FOXP2: variants seen among roughly 807,000 people sequenced by gnomAD.
The protein encoded by FOXP2 is forkhead box protein P2.
Under a neutral mutation model 115.8 loss-of-function variants are expected in FOXP2, and 12 were observed. The ratio of observed to expected loss-of-function variants is 0.10; its 90% CI spans 0.07 to 0.17. FOXP2 has a LOEUF of 0.17. Among genes scored for constraint, FOXP2 ranks in the 10% least tolerant of loss-of-function variants. The pLI, the probability that FOXP2 is intolerant of heterozygous loss-of-function variation, is 1.00. For missense variants in FOXP2, 629 were observed against 843.5 expected, an observed-to-expected ratio of 0.75 and a Z score of 3.15; for synonymous variants, 328 against 297.7, an observed-to-expected ratio of 1.10 and a Z score of -1.05.
chr7:114,431,169 G>T (rs1163883852), intron 2 of FOXP2, among the ~76,000 whole-genome samples: 2 of 151,884 alleles, frequency 1.3e-5, no homozygotes, highest in African/African-American at 4.8e-5. Context: ...TTCAGCTAAT[G>T]AGGTCGAATG....
chr7:114,204,983 G>A (rs1003755939), intron 1 of FOXP2, among the ~76,000 whole-genome samples: 1 of 151,300 alleles, frequency 6.6e-6, no homozygotes, highest in Non-Finnish European at 1.5e-5. Context: ...GAATTTTATT[G>A]CCTTTTGCCG....
At chr7:114,339,669 A>G (rs1791152331) in intron 2 of FOXP2, among the ~76,000 whole-genome samples, 1 of 151,032 alleles carries the variant, frequency 6.6e-6, no homozygotes, top group Admixed American at 6.6e-5. Flanking sequence ...TTGCGTTGGT[A>G]TAGGACATGT....
At chr7:114,253,615 C>T (rs1795515211) in intron 1 of FOXP2, among the ~76,000 whole-genome samples, 1 of 151,484 alleles carries the variant, frequency 6.6e-6, no homozygotes, top group South Asian at 2.1e-4. Flanking sequence ...GGATTGCAAC[C>T]CCTGCCTTTT....
chr7:114,107,719 T>C (rs1400646488), intron 1 of FOXP2, among the ~76,000 whole-genome samples: 1 of 151,982 alleles, frequency 6.6e-6, no homozygotes, highest in Non-Finnish European at 1.5e-5. Flanking sequence ...AAGTGGTTAC[T>C]GTGTGTGGGT....
intron 2 of FOXP2, among the ~76,000 whole-genome samples, chr7:114,523,867 AG>A (rs1322114199): frequency 6.6e-6 from 1 of 152,186 alleles, no homozygotes; most frequent in Non-Finnish European, 1.5e-5. Flanking sequence ...TACTCTTATG[AG>A]GACTAAAAAA....
chr7:114,201,161 A>G (rs759600803), intron 1 of FOXP2, among the ~76,000 whole-genome samples: 7 of 151,992 alleles, frequency 4.6e-5, no homozygotes, highest in Non-Finnish European at 7.4e-5. Flanking sequence ...CATCTCAAAA[A>G]TAAATAAATA....
At chr7:114,212,118 AT>A (rs1168782854) in intron 1 of FOXP2, among the ~76,000 whole-genome samples, 3 of 91,502 alleles carry the variant, frequency 3.3e-5, no homozygotes, top group African/African-American at 8.4e-5. Context: ...ATAAAATAAA[AT>A]AAAATATATA....
chr7:114,216,927 A>G (rs1421283645), intron 1 of FOXP2, among the ~76,000 whole-genome samples: 1 of 152,192 alleles, frequency 6.6e-6, no homozygotes, highest in African/African-American at 2.4e-5. Flanking sequence ...TTAAAATATA[A>G]TAACAATATT....
intron 1 of FOXP2, among the ~76,000 whole-genome samples, chr7:114,126,294 C>T (rs887165033): frequency 6.6e-6 from 1 of 151,870 alleles, no homozygotes; most frequent in Non-Finnish European, 1.5e-5. Flanking sequence ...ACTATAGTAG[C>T]ATACATAATC....
chr7:114,391,120 G>C (rs983291469), intron 2 of FOXP2, among the ~76,000 whole-genome samples: 1 of 151,984 alleles, frequency 6.6e-6, no homozygotes, highest in Non-Finnish European at 1.5e-5. Flanking sequence ...CCGGGAGGCG[G>C]AGGTTGCAGT....
rs1026622323 is a variant in FOXP2 at position 114,099,603 on chromosome 7, G to T, written c.-247+11765G>T. 2.6e-5 allele frequency among the ~76,000 whole-genome samples: 4 copies of T among 152,170 alleles called. No individual in the cohort carries two copies. The East Asian group carries it at 7.7e-4, about 29-fold the overall frequency. On this transcript the variant is annotated intron_variant, in intron 1 of 19. Transcript: ENST00000635638. ...TTACAGTATTATTCACAGTAGCCAA[G>T]ATATGGAAATAAGTGTTCATCAACA...
chr7:114,110,566 G>A (rs1051091083), intron 1 of FOXP2, among the ~76,000 whole-genome samples: 2 of 151,576 alleles, frequency 1.3e-5, no homozygotes, highest in African/African-American at 4.8e-5. Flanking sequence ...ATACTTTTTG[G>A]CATCTTGTTG....
chr7:114,535,975 C>T (rs1799372956), intron 3 of FOXP2, among the ~76,000 whole-genome samples: 1 of 151,590 alleles, frequency 6.6e-6, no homozygotes, highest in African/African-American at 2.4e-5. Flanking sequence ...TCCTCACCAT[C>T]ATATTCTTCC....
chr7:114,581,652 A>G (rs1204269697), intron 3 of FOXP2, among the ~76,000 whole-genome samples: 1 of 152,048 alleles, frequency 6.6e-6, no homozygotes, highest in Non-Finnish European at 1.5e-5. Context: ...ATTAGGGTTC[A>G]CTCTTGGTGT....
intron 2 of FOXP2, among the ~76,000 whole-genome samples, chr7:114,342,346 C>T (rs1791237053): frequency 6.6e-6 from 1 of 151,320 alleles, no homozygotes; most frequent in African/African-American, 2.4e-5. Context: ...CTCTTAAATA[C>T]TTAAACATAA....
intron 3 of FOXP2, among the ~76,000 whole-genome samples, chr7:114,562,389 G>A (rs550363038): frequency 6.6e-6 from 1 of 152,138 alleles, no homozygotes; most frequent in East Asian, 1.9e-4. Flanking sequence ...TACCCTTAAA[G>A]CACTTAAGTC....
intron 6 of FOXP2, among the ~76,000 whole-genome samples, chr7:114,632,353 G>T (rs894910433): frequency 5.3e-5 from 8 of 152,126 alleles, no homozygotes; most frequent in African/African-American, 1.9e-4. Context: ...ATACAATTGT[G>T]TGTCATATTC....
At chr7:114,600,769 T>C (rs1407232032) in intron 3 of FOXP2, among the ~76,000 whole-genome samples, 1 of 152,202 alleles carries the variant, frequency 6.6e-6, no homozygotes, top group African/African-American at 2.4e-5. Flanking sequence ...CATAATTTCA[T>C]ATGCTTATTT....
At chr7:114,610,176 T>G (rs1271125842) in intron 3 of FOXP2, among the ~76,000 whole-genome samples, 4 of 152,238 alleles carry the variant, frequency 2.6e-5, no homozygotes, top group African/African-American at 9.6e-5. Flanking sequence ...TTATTCATAG[T>G]TAACATGCTA....
Sources: allele counts gnomAD v4.1 joint callset (sites outside exome capture counted in the v4.1 genomes callset), GRCh38; gene constraint gnomAD v4.1.1; transcripts MANE v1.5; gene names NCBI Gene and HGNC (gene_info 2026-07-23, HGNC 2026-07-21).